The following SYNE2 variants were observed in gnomAD, a reference collection of about 807,000 sequenced individuals.
The protein encoded by SYNE2 is nesprin-2.
SYNE2 carries 431 observed loss-of-function variants against 856.3 expected under a neutral mutation model. That is an observed-to-expected ratio of 0.50 (90% CI 0.47 to 0.55). SYNE2 has a LOEUF of 0.55. Ranked by LOEUF, SYNE2 falls within the 20% of genes least tolerant of loss-of-function variation. The probability of loss-of-function intolerance (pLI) is 0.00; values close to 1 mark genes in which losing one functional copy is unlikely to be tolerated. For missense variants in SYNE2, 8,129 were observed against 8,023.2 expected (o/e 1.01, Z -0.50); for synonymous variants, 2,923 against 2,872.3 (o/e 1.02, Z -0.56).
intron 45 of SYNE2, among the ~76,000 whole-genome samples, chr14:64,040,597 A>AAAAT (rs1555446963): frequency 4.9e-5 from 7 of 142,544 alleles, no homozygotes; most frequent in Non-Finnish European, 9.1e-5. Context: ...TGAGGTTAAA[A>AAAAT]ATATATATAT....
chr14:64,142,069 ATCT>A lies in SYNE2; in HGVS notation c.15293_15295del (p.Leu5098del), dbSNP rs368230785. On this transcript the variant is annotated inframe_deletion, in exon 82 of 116. Coordinates refer to ENST00000555002, the MANE Select transcript of SYNE2 (RefSeq NM_182914.3). ...CCAAGTTCTGCATCTCAAGTTAAACATCTTCTTCAGAAGCACAAGGTAATTATG... is the reference window on the plus strand; with the variant it reads ...CCAAGTTCTGCATCTCAAGTTAAACATCTTCAGAAGCACAAGGTAATTATG... 6.7e-4 allele frequency: 1,084 copies of A among 1,614,162 alleles called. 5 individuals carry two copies. The African/African-American group carries it at 0.011, about 17-fold the overall frequency.
At chr14:64,210,223 T>A in intron 103 of SYNE2, 99 bp downstream of exon 103, 1 of 1,429,930 alleles carries the variant, frequency 7.0e-7, no homozygotes, top group Non-Finnish European at 9.4e-7. Flanking sequence ...AGGTAGAAGG[T>A]TTCACTTCAG....
chr14:64,052,856 C>G lies in SYNE2; in HGVS notation c.8943C>G (p.Ile2981Met). The G allele has an allele frequency of 1.2e-6, 2 of 1,613,740 alleles. No homozygotes were observed. The highest frequency in any genetic ancestry group is 1.7e-6 in the Non-Finnish European group (2 of 1,179,960). ...TAAATAAAGGTGTTAAAGAGGAGAT[C>G]TATAATCTTAAAGACAGACTCACCG... ...QEVNKGVKEE[I>M]YNLKDRLTAI... The change falls in exon 48 of 116, where the codon ATC becomes ATG. Residue 2981 changes from isoleucine to methionine, a missense_variant. By Grantham distance (10) the Ile-to-Met change is conservative. Transcript: ENST00000555002.
At chr14:63,947,605 GC>G (rs1172180077) in intron 6 of SYNE2, among the ~76,000 whole-genome samples, 1 of 152,136 alleles carries the variant, frequency 6.6e-6, no homozygotes, top group Non-Finnish European at 1.5e-5. Context: ...GGAGGCCGAG[GC>G]AGGTGGACCA....
intron 2 of SYNE2, among the ~76,000 whole-genome samples, chr14:63,909,598 A>G (rs1011809520): frequency 6.6e-6 from 1 of 151,932 alleles, no homozygotes; most frequent in Non-Finnish European, 1.5e-5. Flanking sequence ...TCCCAGCACT[A>G]TGGGAGGCCG....
intron 98 of SYNE2, chr14:64,188,991 A>G (rs916389688): frequency 4.3e-6 from 3 of 702,406 alleles, no homozygotes; most frequent in South Asian, 3.0e-5. Flanking sequence ...ATATCCTTAC[A>G]TGTCAGCTGA....
Position 64,052,917 on chromosome 14 carries a change from A to C in SYNE2, c.9004A>C (p.Lys3002Gln), listed in dbSNP as rs777169796. The change falls in exon 48 of 116, where the codon AAA becomes CAA. Residue 3002 changes from lysine to glutamine, a missense_variant. Transcript: ENST00000555002. The stretch of plus-strand genomic sequence containing the variant: ...TTGCATCTTACAGGTATTGAAACTT[A>C]AAAAAGTGTTTGACTATATTGGACT... Reference protein sequence around the residue: ...KCCILQVLKLKKVFDYIGLNW... With the variant: ...KCCILQVLKLQKVFDYIGLNW... The C allele has an allele frequency of 1.9e-5, 30 of 1,613,022 alleles. No individual in the cohort carries two copies. Among genetic ancestry groups the C allele is most frequent in the Non-Finnish European group, 2.4e-5 (28 of 1,179,736 alleles).
intron 11 of SYNE2, among the ~76,000 whole-genome samples, chr14:63,972,962 G>A (rs1217635071): frequency 6.6e-6 from 1 of 152,156 alleles, no homozygotes; most frequent in African/African-American, 2.4e-5. Context: ...TATTTGAAAA[G>A]TCACAAAAAT....
At chr14:63,964,656 C>G (rs2096366217) in intron 10 of SYNE2, among the ~76,000 whole-genome samples, 1 of 152,080 alleles carries the variant, frequency 6.6e-6, no homozygotes, top group Non-Finnish European at 1.5e-5. Flanking sequence ...TTCCGAGTAG[C>G]TGAGATTACA....
intron 1 of SYNE2, among the ~76,000 whole-genome samples, chr14:63,801,702 A>T (rs1009185899): frequency 1.3e-5 from 2 of 152,110 alleles, no homozygotes; most frequent in African/African-American, 4.8e-5. Flanking sequence ...AAAGAAATAA[A>T]ACCCTAGAAA....
chr14:64,133,874 A>G (rs2098053995), intron 77 of SYNE2, among the ~76,000 whole-genome samples, 195 bp from the exon 78 acceptor site: 1 of 152,172 alleles, frequency 6.6e-6, no homozygotes, highest in South Asian at 2.1e-4. Flanking sequence ...CCTTGTCCTC[A>G]AAGGTGATGG....
chr14:63,899,661 C>G (rs2095309311), intron 1 of SYNE2, among the ~76,000 whole-genome samples: 1 of 152,190 alleles, frequency 6.6e-6, no homozygotes, highest in East Asian at 1.9e-4. Context: ...ACCACCATGC[C>G]TAGCTAATTT....
Position 64,031,265 on chromosome 14 carries a change from G to C in SYNE2, c.7129G>C (p.Gly2377Arg). Residue 2377 changes from glycine to arginine, a missense_variant, in exon 45 of 116, where the codon GGC becomes CGC. By Grantham distance (125) the Gly-to-Arg change is moderately radical (BLOSUM62 -2). This residue lies in a region of SYNE2 where 297 missense variants were observed against 380.9 expected (regional missense o/e 0.78). Coordinates refer to ENST00000555002, the MANE Select transcript of SYNE2 (RefSeq NM_182914.3). ...TEKKGKFTLP[G>R]REKQATSDVQ... The stretch of plus-strand genomic sequence containing the variant: ...AAAGAAAGGAAAGTTTACTCTGCCA[G>C]GCAGAGAGAAGCAGGCCACTTCTGA... 1.2e-6 allele frequency: 2 copies of C among 1,614,156 alleles called. No homozygotes were observed. The highest frequency in any genetic ancestry group is 1.7e-6 in the Non-Finnish European group (2 of 1,180,036).
intron 25 of SYNE2, 43 bp downstream of exon 25, chr14:63,997,434 A>G (rs1567007380): frequency 6.9e-7 from 1 of 1,454,866 alleles, no homozygotes; most frequent in Admixed American, 1.8e-5. Flanking sequence ...AACCCAAAGT[A>G]AAAGACCAAG....
intron 83 of SYNE2, among the ~76,000 whole-genome samples, chr14:64,144,793 T>A (rs368986033): frequency 6.6e-6 from 1 of 152,102 alleles, no homozygotes; most frequent in South Asian, 2.1e-4. Context: ...TTCAAAAAAG[T>A]AAATGATGTG....
At chr14:64,224,344 G>A (rs1482652478) in intron 113 of SYNE2, 117 bp from the exon 114 acceptor site, 3 of 1,020,574 alleles carry the variant, frequency 2.9e-6, no homozygotes, top group East Asian at 4.7e-5. Context: ...CAGTGAGACT[G>A]TCTAAAACAA....
At chr14:64,077,629 A>G (rs1471987328) in intron 54 of SYNE2, among the ~76,000 whole-genome samples, 34 of 34,440 alleles carry the variant, frequency 9.9e-4, no homozygotes, top group Non-Finnish European at 2.8e-4. Flanking sequence ...GGTTATACAG[A>G]TAGAGTTGTT....
chr14:63,844,374 A>T (rs1266115141), intron 1 of SYNE2, among the ~76,000 whole-genome samples: 1 of 152,332 alleles, frequency 6.6e-6, no homozygotes, highest in East Asian at 1.9e-4. Flanking sequence ...GCACTGAATA[A>T]TATTCAATTG....
At position 64,141,967 on chromosome 14, in the gene SYNE2, G is replaced by T. The variant is rs760110795; in HGVS notation, c.15185G>T (p.Arg5062Leu). 1 of 1,614,014 alleles carries T rather than the reference G, an allele frequency of 6.2e-7. No homozygotes were observed. The highest frequency in any genetic ancestry group is 8.5e-7 in the Non-Finnish European group (1 of 1,180,004). The change falls in exon 82 of 116, where the codon CGT (arginine) becomes CTT (leucine). Residue 5062 changes from arginine (R) to leucine (L), a missense_variant. Around this residue, in one of 3 missense-constraint regions of SYNE2, gnomAD observed 5,410 missense variants for 5,284.8 expected, o/e 1.02. Coordinates refer to ENST00000555002, the MANE Select transcript of SYNE2 (RefSeq NM_182914.3). Reference sequence around the variant, plus strand: ...CTTCAAATGGAGAAATTGCCGTCTCGTAAAGCAATCACAGAAATGATTAGC... The same window carrying T: ...CTTCAAATGGAGAAATTGCCGTCTCTTAAAGCAATCACAGAAATGATTAGC... ...HQLQMEKLPS[R>L]KAITEMISWM...
Sources: gnomAD v4.1 joint callset for allele counts (sites outside exome capture counted in the v4.1 genomes callset) on GRCh38, gnomAD v4.1.1 for gene constraint, gnomAD v4.1.1 regional missense constraint, MANE v1.5 for transcripts, NCBI Gene and HGNC (gene_info 2026-07-23, HGNC 2026-07-21) for gene names.